ARID5B: variants seen among roughly 807,000 people sequenced by gnomAD.
The protein encoded by ARID5B is AT-rich interaction domain 5B, also known as AT-rich interactive domain-containing protein 5B.
ARID5B carries 13 observed loss-of-function variants against 97.2 expected under a neutral mutation model. The observed-to-expected ratio is 0.13, with a 90% CI of 0.09 to 0.21. The LOEUF (loss-of-function observed/expected upper bound fraction) is 0.21. ARID5B is among the 10% of genes least tolerant of loss of function. ARID5B has a pLI of 1.00. For missense variants in ARID5B, 1,210 were observed against 1,465.3 expected (o/e 0.83, Z 2.84); for synonymous variants, 556 against 570.3 (o/e 0.97, Z 0.36).
chr10:62,070,856 A>T (rs974381089), intron 8 of ARID5B, among the ~76,000 whole-genome samples: 5 of 152,046 alleles, frequency 3.3e-5, no homozygotes, highest in African/African-American at 1.2e-4. Context: ...AAAATATGTT[A>T]TTTCTGTCAG....
chr10:62,018,971 A>G (rs1383298571), intron 4 of ARID5B, among the ~76,000 whole-genome samples: 1 of 152,190 alleles, frequency 6.6e-6, no homozygotes. Flanking sequence ...TCCTGGCTGT[A>G]TGAATCTCAA....
At chr10:62,049,588 G>T in intron 4 of ARID5B, 3 of 1,458,038 alleles carry the variant, frequency 2.1e-6, no homozygotes, top group Non-Finnish European at 2.8e-6. Flanking sequence ...GCGTTTAGGG[G>T]AATGAGAGGA....
chr10:61,948,350 G>A (rs539523624), intron 3 of ARID5B, among the ~76,000 whole-genome samples: 4 of 144,676 alleles, frequency 2.8e-5, no homozygotes, highest in Admixed American at 1.4e-4. Context: ...TCACCATCAC[G>A]GTTACTTATC....
chr10:62,033,148 A>G (rs1279858670), intron 4 of ARID5B, among the ~76,000 whole-genome samples: 1 of 152,184 alleles, frequency 6.6e-6, no homozygotes, highest in Non-Finnish European at 1.5e-5. Flanking sequence ...TGATTTCTAG[A>G]TACAGGGGAT....
intron 3 of ARID5B, among the ~76,000 whole-genome samples, chr10:61,984,165 G>A (rs974527875): frequency 6.6e-6 from 1 of 152,140 alleles, no homozygotes; most frequent in Admixed American, 6.5e-5. Flanking sequence ...TGTGCTTTAC[G>A]TTTTAATTAT....
intron 3 of ARID5B, among the ~76,000 whole-genome samples, chr10:61,980,905 T>G (rs1838767957): frequency 6.6e-6 from 1 of 152,198 alleles, no homozygotes. Flanking sequence ...CCCAGTAGGT[T>G]GCTCCTCTGG....
At chr10:62,029,838 T>C (rs1839472189) in intron 4 of ARID5B, among the ~76,000 whole-genome samples, 1 of 152,144 alleles carries the variant, frequency 6.6e-6, no homozygotes, top group African/African-American at 2.4e-5. Flanking sequence ...AAAAACAAAG[T>C]GTGAGGAAAA....
intron 4 of ARID5B, among the ~76,000 whole-genome samples, chr10:62,044,966 G>A (rs368552057): frequency 6.6e-6 from 1 of 152,162 alleles, no homozygotes; most frequent in Non-Finnish European, 1.5e-5. Flanking sequence ...TCAGTGTTTT[G>A]TGAATTTGTA....
At chr10:61,990,203 A>G (rs939862391) in intron 3 of ARID5B, among the ~76,000 whole-genome samples, 2 of 152,234 alleles carry the variant, frequency 1.3e-5, no homozygotes, top group African/African-American at 4.8e-5. Flanking sequence ...AGGTGAAGGA[A>G]AACAATGCAA....
At chr10:61,931,614 A>G (rs1844211451) in intron 2 of ARID5B, among the ~76,000 whole-genome samples, 1 of 152,200 alleles carries the variant, frequency 6.6e-6, no homozygotes, top group South Asian at 2.1e-4. Flanking sequence ...ATCTGACAAA[A>G]AGTTAAAAGA....
chr10:61,972,155 T>C (rs1348386034), intron 3 of ARID5B, among the ~76,000 whole-genome samples: 8 of 152,024 alleles, frequency 5.3e-5, no homozygotes, highest in African/African-American at 1.7e-4. Context: ...TGTTATTCTA[T>C]ATTTTTTATC....
chr10:61,942,731 G>T (rs1307574567), intron 3 of ARID5B, among the ~76,000 whole-genome samples: 1 of 152,222 alleles, frequency 6.6e-6, no homozygotes, highest in African/African-American at 2.4e-5. Flanking sequence ...GGCAGAGGTT[G>T]CAGTGAGCCG....
intron 4 of ARID5B, among the ~76,000 whole-genome samples, chr10:62,044,516 G>T (rs1839681621): frequency 6.6e-6 from 1 of 151,558 alleles, no homozygotes; most frequent in Non-Finnish European, 1.5e-5. Flanking sequence ...AACTAGCTAG[G>T]ACTACAGGCA....
At chr10:62,044,374 TC>T (rs1363914859) in intron 4 of ARID5B, among the ~76,000 whole-genome samples, 5 of 79,230 alleles carry the variant, frequency 6.3e-5, no homozygotes, top group Non-Finnish European at 6.9e-5. Flanking sequence ...GTTCATTTGC[TC>T]TTTTTTTTTT....
Position 62,096,796 on chromosome 10 carries a change from T to C in ARID5B, c.*3766T>C, listed in dbSNP as rs1165522661. The C allele has an allele frequency of 4.3e-6, 1 of 233,500 alleles. No homozygotes were observed. The highest frequency in any genetic ancestry group is 8.5e-6 in the Non-Finnish European group (1 of 118,002). 14.5% of individuals were successfully genotyped at this position (233,500 alleles called of 1,614,324 possible). On this transcript the variant is annotated 3_prime_UTR_variant, in exon 10 of 10. Transcript: ENST00000279873. ...AGAATGCTGAGCCAACTATAAACAC[T>C]CAATTTTGTATGTTTTCCAAATTGT...
At chr10:62,070,647 A>G (rs990972598) in intron 8 of ARID5B, among the ~76,000 whole-genome samples, 3 of 152,198 alleles carry the variant, frequency 2.0e-5, no homozygotes, top group African/African-American at 7.2e-5. Context: ...CAGCTTTAGT[A>G]TGGCCGTTCA....
intron 4 of ARID5B, among the ~76,000 whole-genome samples, chr10:62,003,529 C>T (rs899745789): frequency 6.6e-6 from 1 of 152,178 alleles, no homozygotes; most frequent in Non-Finnish European, 1.5e-5. Context: ...TAATGGCTGC[C>T]TTCACCCTGG....
intron 3 of ARID5B, among the ~76,000 whole-genome samples, chr10:61,955,294 G>A (rs961540259): frequency 6.6e-6 from 1 of 152,126 alleles, no homozygotes; most frequent in Non-Finnish European, 1.5e-5. Context: ...GAAAAAACAG[G>A]CACAAGTGGA....
intron 4 of ARID5B, among the ~76,000 whole-genome samples, chr10:62,026,990 C>T (rs1839428715): frequency 6.6e-6 from 1 of 152,170 alleles, no homozygotes; most frequent in Non-Finnish European, 1.5e-5. Flanking sequence ...TATTTTGAGC[C>T]TTTTCCACCA....
Sources: allele counts gnomAD v4.1 joint callset (sites outside exome capture counted in the v4.1 genomes callset), GRCh38; gene constraint gnomAD v4.1.1; transcripts MANE v1.5; gene names NCBI Gene and HGNC (gene_info 2026-07-23, HGNC 2026-07-21).